EXOC4: variants seen among roughly 807,000 people sequenced by gnomAD.
EXOC4 encodes SEC8-like 1.
Under a neutral mutation model 107.2 loss-of-function variants are expected in EXOC4, and 71 were observed. The observed-to-expected ratio is 0.66, with a 90% confidence interval of 0.55 to 0.81. The LOEUF (loss-of-function observed/expected upper bound fraction) is 0.81. Among genes scored for constraint, EXOC4 ranks in the 30% least tolerant of loss-of-function variants. EXOC4 has a pLI of 0.00. For synonymous variants in EXOC4, 456 were observed against 441.2 expected (o/e 1.03, Z -0.42); for missense variants, 1,108 against 1,189.6 (o/e 0.93, Z 1.01).
In EXOC4 at chr7:133,823,869, ATATTATATATATATATATATATATT is replaced by A. The variant is rs1797609868; in HGVS notation, c.1734+6327_1734+6351del. Among the ~76,000 whole-genome samples, 3 of 9,186 alleles carry A rather than the reference ATATTATATATATATATATATATATT, an allele frequency of 3.3e-4. No homozygotes were observed. In the South Asian group the frequency reaches 0.013, roughly 41 times the overall value. 6.0% of individuals were successfully genotyped at this position (9,186 alleles called of 152,430 possible). A position where few individuals can be genotyped will look rare whatever the true frequency, so the allele number is the denominator to read the frequency against. The stretch of plus-strand genomic sequence containing the variant: ...TATATATATATATATATATATATAT[ATATTATATATATATATATATATATT>A]TTATATATATATATATAAATATATA... On this transcript the variant is annotated intron_variant, in intron 11 of 17. Transcript: ENST00000253861.
intron 10 of EXOC4, among the ~76,000 whole-genome samples, chr7:133,706,476 G>A (rs1015088363): frequency 2.6e-5 from 4 of 152,120 alleles, no homozygotes; most frequent in Admixed American, 1.3e-4. Flanking sequence ...AGCCCTCTCT[G>A]ATAGGAGAAA....
At chr7:133,307,426 T>G (rs1794777941) in intron 4 of EXOC4, among the ~76,000 whole-genome samples, 1 of 152,144 alleles carries the variant, frequency 6.6e-6, no homozygotes, top group Non-Finnish European at 1.5e-5. Flanking sequence ...TCTGAAGAGA[T>G]TTCTTCCCAT....
chr7:133,705,479 T>C (rs1356117751), intron 10 of EXOC4, among the ~76,000 whole-genome samples: 4 of 152,182 alleles, frequency 2.6e-5, no homozygotes, highest in Admixed American at 2.0e-4. Context: ...ACTAAACAAA[T>C]AAAAATATAG....
At chr7:133,754,068 G>A (rs545249184) in intron 10 of EXOC4, among the ~76,000 whole-genome samples, 12 of 152,296 alleles carry the variant, frequency 7.9e-5, no homozygotes, top group Non-Finnish European at 1.3e-4. Context: ...CAAAGGCAAC[G>A]AAAGTAGTTT....
intron 9 of EXOC4, among the ~76,000 whole-genome samples, chr7:133,496,609 A>G (rs1422944905): frequency 2.0e-5 from 3 of 152,184 alleles, no homozygotes; most frequent in Non-Finnish European, 2.9e-5. Flanking sequence ...TTCGAGGTGG[A>G]AGATAAAGGT....
intron 10 of EXOC4, among the ~76,000 whole-genome samples, chr7:133,734,035 C>G (rs112663226): frequency 8.3e-4 from 126 of 152,322 alleles, no homozygotes; most frequent in African/African-American, 2.9e-3. Flanking sequence ...AATTGACATT[C>G]TGTCACTGCT....
At chr7:133,725,317 A>C (rs560963652) in intron 10 of EXOC4, among the ~76,000 whole-genome samples, 6 of 152,304 alleles carry the variant, frequency 3.9e-5, no homozygotes, top group Admixed American at 6.5e-5. Flanking sequence ...GGCTTAGCAA[A>C]AATTTTTTTT....
chr7:133,983,042 A>G (rs942820514), intron 14 of EXOC4, among the ~76,000 whole-genome samples: 2 of 152,204 alleles, frequency 1.3e-5, no homozygotes, highest in Non-Finnish European at 1.5e-5. Flanking sequence ...TACAGAAAGG[A>G]CAGTGCTAGC....
chr7:133,564,388 A>G (rs1281262070), intron 9 of EXOC4, among the ~76,000 whole-genome samples: 3 of 152,138 alleles, frequency 2.0e-5, no homozygotes, highest in South Asian at 2.1e-4. Context: ...ATCCACCCCT[A>G]CGATCCAGTC....
At chr7:133,258,405 C>T (rs1474924646) in intron 1 of EXOC4, among the ~76,000 whole-genome samples, 1 of 152,114 alleles carries the variant, frequency 6.6e-6, no homozygotes, top group Non-Finnish European at 1.5e-5. Context: ...GTGTGAATTG[C>T]TGTGGTTGTG....
chr7:133,996,881 G>A (rs889600031), intron 14 of EXOC4, among the ~76,000 whole-genome samples: 5 of 152,256 alleles, frequency 3.3e-5, no homozygotes, highest in East Asian at 1.9e-4. Context: ...TGGACATTCC[G>A]CATAGAAAAG....
At chr7:133,954,490 T>C (rs1223241284) in intron 14 of EXOC4, among the ~76,000 whole-genome samples, 1 of 152,268 alleles carries the variant, frequency 6.6e-6, no homozygotes, top group Non-Finnish European at 1.5e-5. Context: ...ACTTATATAA[T>C]GTATTAGTAC....
chr7:133,413,751 T>C (rs1797413246), intron 7 of EXOC4, among the ~76,000 whole-genome samples: 1 of 152,148 alleles, frequency 6.6e-6, no homozygotes, highest in South Asian at 2.1e-4. Flanking sequence ...CCCAGAACTT[T>C]AGCTGTCACT....
chr7:133,581,191 G>T (rs1188878620), intron 9 of EXOC4, among the ~76,000 whole-genome samples: 6 of 152,182 alleles, frequency 3.9e-5, no homozygotes, highest in Non-Finnish European at 7.4e-5. Context: ...AATTATGGAA[G>T]TTTGAAGTTG....
chr7:133,673,024 G>T (rs1793981521), intron 10 of EXOC4, among the ~76,000 whole-genome samples: 1 of 152,130 alleles, frequency 6.6e-6, no homozygotes, highest in African/African-American at 2.4e-5. Context: ...GGAAATCCCA[G>T]ATTCTGTTAA....
the EXOC4 span, among the ~76,000 whole-genome samples, chr7:134,078,948 C>G: frequency 1.6e-4 from 25 of 152,282 alleles, no homozygotes; most frequent in East Asian, 4.4e-3. Context: ...TGTTCCAGAC[C>G]TACAGAGTTC....
At chr7:133,792,423 C>T (rs999430272) in intron 10 of EXOC4, among the ~76,000 whole-genome samples, 3 of 151,648 alleles carry the variant, frequency 2.0e-5, no homozygotes, top group South Asian at 2.1e-4. Flanking sequence ...TGGTGTGGCA[C>T]GCACCTGTAG....
At chr7:134,053,933 TA>T (rs1795861745) in intron 17 of EXOC4, among the ~76,000 whole-genome samples, 1 of 86,406 alleles carries the variant, frequency 1.2e-5, no homozygotes, top group Non-Finnish European at 2.4e-5. Context: ...CTTTTTATTT[TA>T]ATTTATTTTA....
At chr7:133,993,277 C>A (rs1193344264) in intron 14 of EXOC4, among the ~76,000 whole-genome samples, 1 of 152,036 alleles carries the variant, frequency 6.6e-6, no homozygotes, top group African/African-American at 2.4e-5. Context: ...GTTTTCCTGT[C>A]AAATGATGAG....
Sources: gnomAD v4.1 joint callset for allele counts (sites outside exome capture counted in the v4.1 genomes callset) on GRCh38, gnomAD v4.1.1 for gene constraint, MANE v1.5 for transcripts, NCBI Gene and HGNC (gene_info 2026-07-23, HGNC 2026-07-21) for gene names.